Variants in INSL6 observed in about 807,000 individuals in gnomAD.
INSL6 encodes insulin like 6, also known as insulin-like peptide INSL6.
Under a neutral mutation model 9.4 loss-of-function variants are expected in INSL6, and 16 were observed. The ratio of observed to expected loss-of-function variants is 1.70; its 90% CI spans 1.15 to 2.59. The LOEUF is 2.59. Ranked by LOEUF, INSL6 falls within the 30% of genes most tolerant of loss-of-function variation. The pLI is 0.00. For missense variants in INSL6, 391 were observed against 257.3 expected (o/e 1.52, Z -3.56); for synonymous variants, 154 against 96.9 (o/e 1.59, Z -3.46).
downstream of INSL6, among the ~76,000 whole-genome samples, chr9:5,160,653 A>C (rs1824906741): frequency 6.6e-6 from 1 of 152,202 alleles, no homozygotes; most frequent in Non-Finnish European, 1.5e-5. Context: ...CGAAACACAA[A>C]GTTGGTTTTT....
At chr9:5,161,721 T>A (rs1380731142), downstream of INSL6, among the ~76,000 whole-genome samples, 1 of 152,162 alleles carries the variant, frequency 6.6e-6, no homozygotes, top group Non-Finnish European at 1.5e-5. Context: ...TTAGAACTCA[T>A]AAACAAATTC....
the INSL6 span, among the ~76,000 whole-genome samples, chr9:5,038,239 T>C: frequency 6.6e-5 from 10 of 152,250 alleles, no homozygotes; most frequent in African/African-American, 1.9e-4. Context: ...TTATAGGAAC[T>C]GCTAAAAGAA....
At chr9:5,049,007 C>G in the INSL6 span, among the ~76,000 whole-genome samples, 1 of 152,058 alleles carries the variant, frequency 6.6e-6, no homozygotes, top group African/African-American at 2.4e-5. Flanking sequence ...ATCTGTATTC[C>G]TAAATCCTCC....
the INSL6 span, among the ~76,000 whole-genome samples, chr9:5,037,954 C>A: frequency 3.3e-5 from 5 of 152,098 alleles, no homozygotes; most frequent in Non-Finnish European, 1.5e-5. Flanking sequence ...AACAGTGTAT[C>A]CATTTAACAA....
At chr9:5,140,558 T>A (rs1038955687) in intron 2 of INSL6, among the ~76,000 whole-genome samples, 1 of 152,142 alleles carries the variant, frequency 6.6e-6, no homozygotes, top group Non-Finnish European at 1.5e-5. Flanking sequence ...TATTAGGTCA[T>A]TCTTCCCAAA....
At chr9:5,162,343 A>T (rs1323198698), downstream of INSL6, among the ~76,000 whole-genome samples, 2 of 152,218 alleles carry the variant, frequency 1.3e-5, no homozygotes, top group Non-Finnish European at 2.9e-5. Context: ...ACCAAAAAGC[A>T]AATTAAATAC....
At chr9:5,015,068 C>T in the INSL6 span, among the ~76,000 whole-genome samples, 30 of 152,218 alleles carry the variant, frequency 2.0e-4, no homozygotes, top group Admixed American at 1.0e-3. Context: ...GCTTTTGCAA[C>T]ATTGTATTTT....
At chr9:5,017,402 G>A in the INSL6 span, among the ~76,000 whole-genome samples, 4 of 152,284 alleles carry the variant, frequency 2.6e-5, no homozygotes, top group South Asian at 4.1e-4. Flanking sequence ...TAAGAACTTC[G>A]TTTAAATTAA....
chr9:5,150,854 C>CACACACACACACAA (rs754825375), intron 2 of INSL6, among the ~76,000 whole-genome samples: 1 of 102,552 alleles, frequency 9.8e-6, no homozygotes, highest in Non-Finnish European at 2.3e-5. Flanking sequence ...GAGACACACA[C>CACACACACACACAA]ACACACACAC....
At chr9:5,024,495 C>G in the INSL6 span, among the ~76,000 whole-genome samples, 3 of 152,056 alleles carry the variant, frequency 2.0e-5, no homozygotes, top group Non-Finnish European at 4.4e-5. Context: ...TGTGCTGACT[C>G]TAAAGAACAG....
At chr9:5,044,721 A>G in the INSL6 span, among the ~76,000 whole-genome samples, 2 of 152,068 alleles carry the variant, frequency 1.3e-5, no homozygotes, top group Admixed American at 1.3e-4. Flanking sequence ...TCTATTTTAT[A>G]AAGTTTTTTT....
chr9:5,078,663 AAC>A, the INSL6 span, among the ~76,000 whole-genome samples: 14 of 152,278 alleles, frequency 9.2e-5, no homozygotes, highest in Admixed American at 2.0e-4. Context: ...ATTTTTTAAA[AAC>A]AGTTTTAATC....
chr9:5,090,884 A>T, the INSL6 span: 2 of 1,606,636 alleles, frequency 1.2e-6, no homozygotes, highest in Non-Finnish European at 1.7e-6. Context: ...TATAAAGTAA[A>T]AGAACCTGGT....
chr9:5,052,845 T>C, the INSL6 span, among the ~76,000 whole-genome samples: 1 of 152,130 alleles, frequency 6.6e-6, no homozygotes, highest in African/African-American at 2.4e-5. Context: ...TTTTTATTGC[T>C]GAATCATTTC....
At chr9:5,070,803 T>G in the INSL6 span, among the ~76,000 whole-genome samples, 1 of 152,000 alleles carries the variant, frequency 6.6e-6, no homozygotes, top group African/African-American at 2.4e-5. Flanking sequence ...TCTGATAATC[T>G]GGCAGTCAGG....
At chr9:5,149,361 T>C (rs1458207184) in intron 2 of INSL6, among the ~76,000 whole-genome samples, 1 of 152,042 alleles carries the variant, frequency 6.6e-6, no homozygotes, top group East Asian at 1.9e-4. Context: ...GTAGTCTCTG[T>C]GTAAATGACT....
intron 1 of INSL6, among the ~76,000 whole-genome samples, chr9:5,182,128 G>A (rs1395693311): frequency 6.6e-6 from 1 of 152,130 alleles, no homozygotes; most frequent in Non-Finnish European, 1.5e-5. Context: ...TCATGGCAGT[G>A]TTATCTGTAG....
chr9:5,143,941 T>G (rs544133532), intron 2 of INSL6, among the ~76,000 whole-genome samples: 1 of 152,312 alleles, frequency 6.6e-6, no homozygotes, highest in South Asian at 2.1e-4. Flanking sequence ...ATTACAGGCG[T>G]AAGCCACTGC....
the INSL6 span, among the ~76,000 whole-genome samples, chr9:5,062,152 G>T: frequency 6.6e-6 from 1 of 152,050 alleles, no homozygotes; most frequent in Non-Finnish European, 1.5e-5. Context: ...GCCAAACATG[G>T]ATGGAAAATA....
Sources: gnomAD v4.1 joint callset for allele counts (sites outside exome capture counted in the v4.1 genomes callset) on GRCh38, gnomAD v4.1.1 for gene constraint, MANE v1.5 for transcripts, NCBI Gene and HGNC (gene_info 2026-07-23, HGNC 2026-07-21) for gene names.